The following ITGA1 variants were observed in gnomAD, a reference collection of about 807,000 sequenced individuals.
The protein encoded by ITGA1 is integrin alpha-1.
In ITGA1, 85 loss-of-function variants were observed where a neutral mutation model predicts 145.9. That is an observed-to-expected ratio of 0.58 (90% CI 0.49 to 0.70). The LOEUF is 0.70. Among genes scored for constraint, ITGA1 ranks in the 30% least tolerant of loss-of-function variants. ITGA1 has a pLI of 0.00. For missense variants in ITGA1, 1,351 were observed against 1,418.7 expected (o/e 0.95, Z 0.77); for synonymous variants, 520 against 495.3 (o/e 1.05, Z -0.66).
In ITGA1 at chr5:52,922,098, C is replaced by A. The variant is rs559659516; in HGVS notation, c.2293-679C>A. On this transcript the variant is annotated intron_variant, in intron 17 of 28. Transcript: ENST00000282588. ...AGTGGATCACCTGAGGTCAGGAGTT[C>A]GAGACCAGCCTGGCCAACGTGGTGA... Among the ~76,000 whole-genome samples, 3 of 152,062 alleles carry A rather than the reference C, an allele frequency of 2.0e-5. No homozygotes were observed. The South Asian group carries it at 6.2e-4, about 32-fold the overall frequency.
At chr5:52,827,053 C>G (rs957965590) in intron 1 of ITGA1, among the ~76,000 whole-genome samples, 4 of 151,164 alleles carry the variant, frequency 2.6e-5, no homozygotes, top group Non-Finnish European at 5.9e-5. Context: ...TGAAAACCTC[C>G]TGGAAAGGAT....
chr5:52,919,012 A>G (rs1485331638), intron 16 of ITGA1, 114 bp downstream of exon 16: 7 of 914,394 alleles, frequency 7.7e-6, no homozygotes, highest in South Asian at 2.3e-5. Context: ...TGCACGTCAT[A>G]TTTGCCCCAG....
intron 6 of ITGA1, among the ~76,000 whole-genome samples, chr5:52,881,611 C>A (rs866725342): frequency 6.6e-6 from 1 of 152,218 alleles, no homozygotes; most frequent in Non-Finnish European, 1.5e-5. Context: ...CCAAGGCCTA[C>A]CAGAGTTACT....
chr5:52,905,770 T>G lies in ITGA1; in HGVS notation c.1317T>G (p.Thr439=). The G allele has an allele frequency of 3.1e-6, 5 of 1,613,264 alleles. No individual in the cohort carries two copies. The highest frequency in any genetic ancestry group is 4.2e-6 in the Non-Finnish European group (5 of 1,179,520). Residue 439 remains threonine (T), a synonymous_variant, in exon 12 of 29, where the codon ACT becomes ACG. Transcript: ENST00000282588. ...GAATCTTTCTTTTGTTAGGTTACAC[T>G]GTAAACTCTGCTACTGCTTCTTCTG... The part of the protein sequence containing the change: ...NEPLASYLGY[T]VNSATASSGD...
At chr5:52,808,367 T>C (rs1748628413) in intron 1 of ITGA1, among the ~76,000 whole-genome samples, 1 of 152,150 alleles carries the variant, frequency 6.6e-6, no homozygotes, top group Non-Finnish European at 1.5e-5. Flanking sequence ...GAAGGATGAA[T>C]TTTTGTTAAG....
intron 1 of ITGA1, among the ~76,000 whole-genome samples, chr5:52,826,477 A>G (rs938216054): frequency 6.6e-6 from 1 of 152,246 alleles, no homozygotes; most frequent in Non-Finnish European, 1.5e-5. Flanking sequence ...TAATTTGGTA[A>G]AAGTAGCTAC....
At chr5:52,792,168 T>C (rs1424707264) in intron 1 of ITGA1, among the ~76,000 whole-genome samples, 1 of 152,224 alleles carries the variant, frequency 6.6e-6, no homozygotes, top group Non-Finnish European at 1.5e-5. Flanking sequence ...ACTATATGTC[T>C]CTCTTCCCTA....
At position 52,869,527 on chromosome 5, in the gene ITGA1, G is replaced by T. The variant is rs781688437; in HGVS notation, c.624+3710G>T. Among the ~76,000 whole-genome samples the T allele has an allele frequency of 2.6e-5, 4 of 152,170 alleles. No homozygotes were observed. In the South Asian group the frequency reaches 6.2e-4, roughly 24 times the overall value. ...ACTAAGGCATAATTATTATATTAGT[G>T]TGCGTGAGTGTGTGTCTGTCTATCT... On this transcript the variant is annotated intron_variant, in intron 6 of 28. Coordinates refer to ENST00000282588, the MANE Select transcript of ITGA1 (RefSeq NM_181501.2).
At chr5:52,944,890 C>T (rs575959520) in intron 26 of ITGA1, 53 bp from the exon 27 acceptor site, 2 of 1,204,200 alleles carry the variant, frequency 1.7e-6, no homozygotes, top group African/African-American at 3.0e-5. Flanking sequence ...ACATGACTAG[C>T]TCTCATTTTG....
chr5:52,925,214 T>A, intron 18 of ITGA1, 64 bp from the exon 19 acceptor site: 1 of 1,244,230 alleles, frequency 8.0e-7, no homozygotes, highest in Non-Finnish European at 1.2e-6. Flanking sequence ...TTACACAAAT[T>A]GATGGGTAAT....
rs1323220210 is a variant in ITGA1, at chr5:52,952,639, A to G, written c.*188A>G. ...ACAATACCAAAAAGACATATTTTAT[A>G]AAATGACAAAAAATATTTTACATAA... On this transcript the variant is annotated 3_prime_UTR_variant, in exon 29 of 29. Coordinates refer to ENST00000282588, the MANE Select transcript of ITGA1 (RefSeq NM_181501.2). 1.0e-5 allele frequency: 3 copies of G among 289,228 alleles called. No homozygotes were observed. The highest frequency in any genetic ancestry group is 1.1e-4 in the Admixed American group (2 of 18,768). 17.9% of individuals were successfully genotyped at this position (289,228 alleles called of 1,614,324 possible). A position where few individuals can be genotyped will look rare whatever the true frequency, so the allele number is the denominator to read the frequency against.
At chr5:52,947,612 A>T (rs1472076602) in intron 28 of ITGA1, 151 bp downstream of exon 28, 2 of 607,606 alleles carry the variant, frequency 3.3e-6, no homozygotes, top group Non-Finnish European at 5.8e-6. Flanking sequence ...AAAAAGAAAA[A>T]TGCGTATTTC....
At chr5:52,818,101 T>A (rs1209973105) in intron 1 of ITGA1, among the ~76,000 whole-genome samples, 1 of 152,200 alleles carries the variant, frequency 6.6e-6, no homozygotes, top group South Asian at 2.1e-4. Flanking sequence ...ATATAGAGTA[T>A]GCTTACAAAC....
chr5:52,903,178 T>G (rs1033880155), intron 11 of ITGA1: 4 of 151,926 alleles, frequency 2.6e-5, no homozygotes, highest in African/African-American at 9.7e-5. Flanking sequence ...AAGGAGGCCT[T>G]TTATCAAGTT....
At chr5:52,792,579 G>A (rs945704590) in intron 1 of ITGA1, among the ~76,000 whole-genome samples, 3 of 152,138 alleles carry the variant, frequency 2.0e-5, no homozygotes, top group Non-Finnish European at 4.4e-5. Flanking sequence ...GACTTCAGTA[G>A]ATAGATGCTC....
intron 1 of ITGA1, chr5:52,801,207 A>G: frequency 7.5e-7 from 1 of 1,335,524 alleles, no homozygotes; most frequent in South Asian, 1.4e-5. Context: ...GGGAAAAATA[A>G]GAAGAGAAAG....
At chr5:52,883,824 A>T (rs1323792715) in intron 7 of ITGA1, among the ~76,000 whole-genome samples, 1 of 152,196 alleles carries the variant, frequency 6.6e-6, no homozygotes, top group African/African-American at 2.4e-5. Flanking sequence ...CTTTGAGGAC[A>T]ATGACAATTT....
At chr5:52,851,662 T>C (rs1422375838) in intron 2 of ITGA1, among the ~76,000 whole-genome samples, 1 of 152,218 alleles carries the variant, frequency 6.6e-6, no homozygotes. Flanking sequence ...TGAATGAATC[T>C]ACACTGGACT....
At chr5:52,918,961 T>A in intron 16 of ITGA1, 63 bp downstream of exon 16, 1 of 1,335,090 alleles carries the variant, frequency 7.5e-7, no homozygotes, top group Non-Finnish European at 1.0e-6. Context: ...TCTAGCATGA[T>A]GAAGTCCAGT....
Sources: allele counts gnomAD v4.1 joint callset (sites outside exome capture counted in the v4.1 genomes callset), GRCh38; gene constraint gnomAD v4.1.1; transcripts MANE v1.5; gene names NCBI Gene and HGNC (gene_info 2026-07-23, HGNC 2026-07-21).